The following PAIP2B variants were observed in gnomAD, a reference collection of about 807,000 sequenced individuals.
PAIP2B encodes poly(A) binding protein interacting protein 2B, also known as polyadenylate-binding protein-interacting protein 2B.
Under a neutral mutation model 17.0 loss-of-function variants are expected in PAIP2B, and 13 were observed. The observed-to-expected ratio is 0.76, with a 90% CI of 0.50 to 1.22. The LOEUF (loss-of-function observed/expected upper bound fraction) is 1.22, where lower values mean the gene tolerates loss of function less well. Among genes scored for constraint, PAIP2B ranks in the 50% most tolerant of loss-of-function variants. PAIP2B has a pLI of 0.00. For synonymous variants in PAIP2B, 43 were observed against 48.7 expected, an observed-to-expected ratio of 0.88 and a Z score of 0.48; for missense variants, 117 against 144.5, an observed-to-expected ratio of 0.81 and a Z score of 0.98.
chr2:71,211,909 C>A (rs969699304), intron 1 of PAIP2B, among the ~76,000 whole-genome samples: 2 of 152,196 alleles, frequency 1.3e-5, no homozygotes, highest in African/African-American at 4.8e-5. Context: ...GATCTCTAGA[C>A]TCAGACCCAC....
At chr2:71,226,374 G>A (rs548452798) in intron 1 of PAIP2B, among the ~76,000 whole-genome samples, 46 of 152,286 alleles carry the variant, frequency 3.0e-4, no homozygotes, top group Non-Finnish European at 5.6e-4. Flanking sequence ...CAAGAGAAGT[G>A]GCGAACGTCT....
chr2:71,219,866 C>G (rs898949992), intron 1 of PAIP2B, among the ~76,000 whole-genome samples: 2 of 152,196 alleles, frequency 1.3e-5, no homozygotes, highest in Non-Finnish European at 2.9e-5. Flanking sequence ...TGCAAACACA[C>G]GTATATTCTT....
At chr2:71,205,303 G>A (rs1221396795) in intron 1 of PAIP2B, among the ~76,000 whole-genome samples, 6 of 152,188 alleles carry the variant, frequency 3.9e-5, no homozygotes, top group Non-Finnish European at 5.9e-5. Context: ...TTCAACCTGT[G>A]TTTTCCACAC....
intron 2 of PAIP2B, among the ~76,000 whole-genome samples, chr2:71,191,783 C>T (rs990352501): frequency 6.6e-6 from 1 of 152,164 alleles, no homozygotes; most frequent in Non-Finnish European, 1.5e-5. Context: ...TGATATATGC[C>T]CTGGGGGTGG....
intron 1 of PAIP2B, among the ~76,000 whole-genome samples, chr2:71,226,193 C>G (rs1675719853): frequency 6.6e-6 from 1 of 152,196 alleles, no homozygotes; most frequent in South Asian, 2.1e-4. Context: ...AGGAACAAAA[C>G]ATTAAAGTTC....
At chr2:71,196,978 C>G (rs759565436) in intron 2 of PAIP2B, among the ~76,000 whole-genome samples, 26 of 152,132 alleles carry the variant, frequency 1.7e-4, no homozygotes, top group Non-Finnish European at 3.7e-4. Context: ...GCTTGCCACT[C>G]TGTGCCTTTT....
chr2:71,199,615 G>A (rs947413703), intron 2 of PAIP2B, among the ~76,000 whole-genome samples: 22 of 150,752 alleles, frequency 1.5e-4, no homozygotes, highest in Admixed American at 6.6e-5. Flanking sequence ...CGCCCAGGCT[G>A]GAGTGCAGTG....
In PAIP2B at chr2:71,206,351, C is replaced by T. The variant is rs184891406; in HGVS notation, c.-11-3751G>A. On this transcript the variant is annotated intron_variant, in intron 1 of 3. Transcript: ENST00000244221. ...CCTAAGAACAATTTGAAACTTATTTCCCCTTCACCCCACTTTCCCTCTTAT... is the reference window on the plus strand; with the variant it reads ...CCTAAGAACAATTTGAAACTTATTTTCCCTTCACCCCACTTTCCCTCTTAT... Among the ~76,000 whole-genome samples, 23 of 152,268 alleles carry T rather than the reference C, an allele frequency of 1.5e-4. No individual in the cohort carries two copies. In the Middle Eastern group the frequency reaches 0.014, roughly 90 times the overall value.
At chr2:71,199,537 T>C (rs912452309) in intron 2 of PAIP2B, among the ~76,000 whole-genome samples, 2 of 151,894 alleles carry the variant, frequency 1.3e-5, no homozygotes, top group Non-Finnish European at 2.9e-5. Context: ...TAATTACACT[T>C]CTCCCTTTTT....
chr2:71,186,536 T>A lies in PAIP2B; in HGVS notation c.*1943A>T, dbSNP rs1021134354. 4 of 152,186 alleles carry A rather than the reference T, an allele frequency of 2.6e-5. No individual in the cohort carries two copies. Among genetic ancestry groups the A allele is most frequent in the African/African-American group, 9.7e-5 (4 of 41,440 alleles). The allele number at this position is 152,186 out of a possible 1,614,324, so 9.4% of individuals were successfully genotyped here. On this transcript the variant is annotated 3_prime_UTR_variant, in exon 4 of 4. Coordinates refer to ENST00000244221, the MANE Select transcript of PAIP2B (RefSeq NM_020459.1). The stretch of plus-strand genomic sequence containing the variant: ...CAATCCCAACGCATTTCTAACAGCC[T>A]TCGGAATTCTGAGCTTGGACAGGCT...
At chr2:71,201,625 C>A (rs1674987511) in intron 2 of PAIP2B, among the ~76,000 whole-genome samples, 1 of 152,158 alleles carries the variant, frequency 6.6e-6, no homozygotes, top group South Asian at 2.1e-4. Context: ...AAGTGATCTG[C>A]CCACCTTGGC....
chr2:71,226,738 C>G (rs1317107935), intron 1 of PAIP2B, among the ~76,000 whole-genome samples, 190 bp downstream of exon 1: 1 of 152,182 alleles, frequency 6.6e-6, no homozygotes, highest in Non-Finnish European at 1.5e-5. Flanking sequence ...CCCCAGCGGA[C>G]GCCCCTTTTC....
At chr2:71,222,883 G>A (rs1675626035) in intron 1 of PAIP2B, among the ~76,000 whole-genome samples, 1 of 152,190 alleles carries the variant, frequency 6.6e-6, no homozygotes, top group Non-Finnish European at 1.5e-5. Context: ...TGTGACAATG[G>A]AGAGAGGCTC....
In PAIP2B at chr2:71,219,062, C is replaced by T. The variant is rs1218333218; in HGVS notation, c.-12+7866G>A. ...TCCCGAGTAGCTGGGACTACAGGTG[C>T]CCGCCACCACGCCTAGCTAATTTTT... On this transcript the variant is annotated intron_variant, in intron 1 of 3. Coordinates refer to ENST00000244221, the MANE Select transcript of PAIP2B (RefSeq NM_020459.1). Among the ~76,000 whole-genome samples the T allele has an allele frequency of 6.7e-5, 10 of 149,932 alleles. 1 individual carries two copies. Among genetic ancestry groups the T allele is most frequent in the Non-Finnish European group, 1.3e-4 (9 of 67,558 alleles).
intron 1 of PAIP2B, among the ~76,000 whole-genome samples, chr2:71,207,516 T>A (rs1675162708): frequency 6.6e-6 from 1 of 151,848 alleles, no homozygotes; most frequent in African/African-American, 2.4e-5. Flanking sequence ...AAACTCCTTA[T>A]AATGCACCGT....
chr2:71,206,201 C>G (rs1459898590), intron 1 of PAIP2B, among the ~76,000 whole-genome samples: 1 of 152,194 alleles, frequency 6.6e-6, no homozygotes, highest in Non-Finnish European at 1.5e-5. Flanking sequence ...ATCTTTTTAT[C>G]TATCAAGAAG....
intron 1 of PAIP2B, among the ~76,000 whole-genome samples, chr2:71,211,988 T>C (rs1273899110): frequency 6.6e-6 from 1 of 152,248 alleles, no homozygotes; most frequent in South Asian, 2.1e-4. Context: ...TAACATCAAA[T>C]AGCAATTAGC....
At chr2:71,219,615 T>C (rs1675526384) in intron 1 of PAIP2B, among the ~76,000 whole-genome samples, 1 of 152,218 alleles carries the variant, frequency 6.6e-6, no homozygotes, top group African/African-American at 2.4e-5. Context: ...TAATATTCTC[T>C]GGGTACTAAA....
chr2:71,211,534 A>G (rs1237876661), intron 1 of PAIP2B, among the ~76,000 whole-genome samples: 1 of 150,378 alleles, frequency 6.6e-6, no homozygotes, highest in East Asian at 2.0e-4. Context: ...AATCCTAATT[A>G]CCCTAATTCC....
Sources: gnomAD v4.1 joint callset for allele counts (sites outside exome capture counted in the v4.1 genomes callset) on GRCh38, gnomAD v4.1.1 for gene constraint, MANE v1.5 for transcripts, NCBI Gene and HGNC (gene_info 2026-07-23, HGNC 2026-07-21) for gene names.